EEIG2: variants seen among roughly 807,000 people sequenced by gnomAD.
The protein encoded by EEIG2 is family with sequence similarity 102 member B.
the EEIG2 span, chr1:108,638,946 A>G: frequency 6.6e-6 from 1 of 152,208 alleles, no homozygotes; most frequent in Admixed American, 6.5e-5. Flanking sequence ...TGTATTCTGC[A>G]TTTTCAAATG....
the EEIG2 span, among the ~76,000 whole-genome samples, chr1:108,586,314 G>GGTGTGT: frequency 1.0e-4 from 15 of 148,108 alleles, no homozygotes; most frequent in East Asian, 6.0e-4. Context: ...TACGCAGAGG[G>GGTGTGT]GTGTGTGTGT....
the EEIG2 span, chr1:108,626,876 C>T: frequency 6.6e-6 from 1 of 152,196 alleles, no homozygotes; most frequent in South Asian, 2.1e-4. Flanking sequence ...ATACGTCGCT[C>T]AAGTCCTGGG....
At chr1:108,624,489 T>C in the EEIG2 span, among the ~76,000 whole-genome samples, 1 of 151,834 alleles carries the variant, frequency 6.6e-6, no homozygotes, top group Non-Finnish European at 1.5e-5. Context: ...TTTGAAAAGA[T>C]GCTTATACGT....
At chr1:108,606,815 T>C in the EEIG2 span, among the ~76,000 whole-genome samples, 156 of 152,308 alleles carry the variant, frequency 1.0e-3, no homozygotes, top group African/African-American at 2.7e-3. Flanking sequence ...TTTTTTCCCC[T>C]AATTTTTTAA....
the EEIG2 span, among the ~76,000 whole-genome samples, chr1:108,572,880 A>C: frequency 2.4e-4 from 36 of 152,144 alleles, no homozygotes; most frequent in Non-Finnish European, 4.7e-4. Context: ...ACTTTTTCAT[A>C]TTGGCTTCTT....
chr1:108,560,635 C>T, the EEIG2 span: 12 of 1,538,898 alleles, frequency 7.8e-6, no homozygotes, highest in South Asian at 9.3e-5. Flanking sequence ...CAGCATCTCT[C>T]CTTGGCCCAT....
At chr1:108,585,763 G>C in the EEIG2 span, among the ~76,000 whole-genome samples, 2 of 152,098 alleles carry the variant, frequency 1.3e-5, no homozygotes, top group African/African-American at 4.8e-5. Context: ...GGATAAGCAA[G>C]ACAACCAGAG....
At chr1:108,573,854 A>G in the EEIG2 span, among the ~76,000 whole-genome samples, 1 of 152,210 alleles carries the variant, frequency 6.6e-6, no homozygotes, top group Non-Finnish European at 1.5e-5. Context: ...TAGGATGGCA[A>G]CTATCAAAAA....
chr1:108,611,613 G>A, the EEIG2 span, among the ~76,000 whole-genome samples: 1 of 152,242 alleles, frequency 6.6e-6, no homozygotes, highest in Non-Finnish European at 1.5e-5. Context: ...GGTAGTGAAA[G>A]AGAAGGCACT....
At chr1:108,582,793 T>C in the EEIG2 span, among the ~76,000 whole-genome samples, 8 of 152,116 alleles carry the variant, frequency 5.3e-5, no homozygotes, top group African/African-American at 1.9e-4. Flanking sequence ...ACAGACTTGA[T>C]AAGCGCATGA....
the EEIG2 span, among the ~76,000 whole-genome samples, chr1:108,563,221 C>T: frequency 1.3e-4 from 20 of 152,138 alleles, no homozygotes; most frequent in African/African-American, 2.4e-4. Context: ...CTAGACTGTA[C>T]GGAGTGGTTT....
chr1:108,629,856 T>C, the EEIG2 span: 1 of 621,222 alleles, frequency 1.6e-6, no homozygotes, highest in Non-Finnish European at 2.9e-6. Context: ...TTATATTTTA[T>C]AAATTAGTTT....
the EEIG2 span, among the ~76,000 whole-genome samples, chr1:108,572,829 C>G: frequency 6.6e-6 from 1 of 152,032 alleles, no homozygotes; most frequent in Non-Finnish European, 1.5e-5. Flanking sequence ...ATGGTTTTGC[C>G]TTTTCCAGAA....
chr1:108,591,982 A>C, the EEIG2 span, among the ~76,000 whole-genome samples: 1 of 152,218 alleles, frequency 6.6e-6, no homozygotes, highest in African/African-American at 2.4e-5. Flanking sequence ...GCTTAATCAT[A>C]AAGAGGCCCC....
chr1:108,632,092 C>T, the EEIG2 span, among the ~76,000 whole-genome samples: 78 of 112,502 alleles, frequency 6.9e-4, no homozygotes, highest in African/African-American at 2.7e-3. Context: ...CCAGCCTGGG[C>T]GACAGAATGA....
At chr1:108,627,485 C>G in the EEIG2 span, 1 of 152,198 alleles carries the variant, frequency 6.6e-6, no homozygotes, top group Non-Finnish European at 1.5e-5. Context: ...AAGCCTGGTT[C>G]TGAAAATATG....
At chr1:108,560,471 C>G in the EEIG2 span, 3 of 1,613,402 alleles carry the variant, frequency 1.9e-6, no homozygotes, top group Non-Finnish European at 2.5e-6. Flanking sequence ...GGACTTCGAG[C>G]TCGAGGAGCT....
At chr1:108,626,976 A>G in the EEIG2 span, 245 of 152,210 alleles carry the variant, frequency 1.6e-3, 1 homozygote, top group African/African-American at 5.5e-3. Flanking sequence ...TTTTGTACTT[A>G]CCACATTGTA....
the EEIG2 span, among the ~76,000 whole-genome samples, chr1:108,569,070 G>C: frequency 5.9e-5 from 9 of 152,316 alleles, no homozygotes; most frequent in Non-Finnish European, 1.0e-4. Context: ...ACTAATGAAA[G>C]ATATTTGAAA....
Sources: allele counts gnomAD v4.1 joint callset (sites outside exome capture counted in the v4.1 genomes callset), GRCh38; gene constraint gnomAD v4.1.1; transcripts MANE v1.5; gene names NCBI Gene and HGNC (gene_info 2026-07-23, HGNC 2026-07-21).